TRIOBP: variants seen among roughly 807,000 people sequenced by gnomAD.
The protein encoded by TRIOBP is TRIO and F-actin binding protein.
Under a neutral mutation model 238.8 loss-of-function variants are expected in TRIOBP, and 169 were observed. That is an observed-to-expected ratio of 0.71 (90% CI 0.62 to 0.80). The LOEUF (loss-of-function observed/expected upper bound fraction) is 0.80. Among genes scored for constraint, TRIOBP ranks in the 30% least tolerant of loss-of-function variants. TRIOBP has a pLI of 0.00. For synonymous variants in TRIOBP, 1,150 were observed against 1,274.4 expected (o/e 0.90, Z 2.08); for missense variants, 2,838 against 3,122.6 (o/e 0.91, Z 2.17).
intron 5 of TRIOBP, among the ~76,000 whole-genome samples, chr22:37,714,671 G>GA (rs879429934): frequency 8.0e-4 from 114 of 142,524 alleles, no homozygotes; most frequent in South Asian, 1.1e-3. Context: ...CTTAAATAGA[G>GA]AAAAAAAAAA....
At chr22:37,709,937 C>T (rs1217198909) in intron 3 of TRIOBP, among the ~76,000 whole-genome samples, 2 of 152,226 alleles carry the variant, frequency 1.3e-5, no homozygotes, top group Non-Finnish European at 2.9e-5. Context: ...CTCCCTCAGA[C>T]CTCTCCCTTC....
intron 21 of TRIOBP, 42 bp from the exon 22 acceptor site, chr22:37,771,608 C>T (rs768709479): frequency 1.9e-6 from 3 of 1,583,686 alleles, no homozygotes; most frequent in Non-Finnish European, 1.7e-6. Flanking sequence ...CAGGGTAGCT[C>T]TGGCTTCTGG....
Position 37,733,288 on chromosome 22 carries a change from T to C in TRIOBP, c.3948-10T>C. 3.2e-6 allele frequency: 5 copies of C among 1,546,948 alleles called. No homozygotes were observed. Among genetic ancestry groups the C allele is most frequent in the Non-Finnish European group, 3.5e-6 (4 of 1,143,574 alleles). On this transcript the variant is annotated splice_polypyrimidine_tract_variant and intron_variant, in intron 7 of 23. Transcript: ENST00000644935. ...CAGTCCCTCAGAGGAGTGGCTGCAT[T>C]TGCTCATAGGAAGTCCGAGGCAGCG...
chr22:37,769,929 A>G (rs1000173020), intron 21 of TRIOBP, among the ~76,000 whole-genome samples: 2 of 151,400 alleles, frequency 1.3e-5, no homozygotes, highest in African/African-American at 2.4e-5. Flanking sequence ...AAGTTTCACT[A>G]TGTTGGCCAG....
intron 22 of TRIOBP, 142 bp from the exon 23 acceptor site, chr22:37,772,459 C>A: frequency 8.7e-7 from 1 of 1,144,100 alleles, no homozygotes; most frequent in Non-Finnish European, 1.3e-6. Context: ...AGCCCAGAAC[C>A]CACGGCCATC....
chr22:37,756,912 C>G (rs1925955415), intron 15 of TRIOBP, among the ~76,000 whole-genome samples: 1 of 152,256 alleles, frequency 6.6e-6, no homozygotes, highest in Non-Finnish European at 1.5e-5. Flanking sequence ...CACTGTGAGC[C>G]TCGGGAACCT....
chr22:37,710,371 G>A, intron 3 of TRIOBP, 56 bp from the exon 4 acceptor site: 4 of 1,607,904 alleles, frequency 2.5e-6, no homozygotes, highest in South Asian at 2.2e-5. Context: ...CTGTGCAGGG[G>A]GAGGGGAGCC....
In TRIOBP at chr22:37,725,935, C is replaced by T. The variant is rs374785193; in HGVS notation, c.3379C>T (p.Arg1127Cys). The change falls in exon 7 of 24, where the codon CGC becomes TGC. Residue 1127 changes from arginine to cysteine, a missense_variant. Physicochemically the swap from Arg to Cys is radical, Grantham distance 180 (BLOSUM62 -3). This residue lies in a region of TRIOBP where 2,096 missense variants were observed against 2,137.4 expected (regional missense o/e 0.98). Transcript: ENST00000644935. ...TGCACCCCGGGCCTCCTCCCCACCA[C>T]GCCAGGCCCCAGAGCCTTCCCTCTT... ...RDAPRASSPP[R>C]QAPEPSLLFQ... is the part of the protein sequence containing the mutation. 68 of 1,613,760 alleles carry T rather than the reference C, an allele frequency of 4.2e-5. No individual in the cohort carries two copies. The highest frequency in any genetic ancestry group is 1.8e-4 in the South Asian group (16 of 91,076).
Position 37,735,345 on chromosome 22 carries a change from C to T in TRIOBP, c.5009C>T (p.Thr1670Ile), listed in dbSNP as rs758267615. Residue 1670 changes from threonine (T) to isoleucine (I), a missense_variant, in exon 9 of 24, where the codon ACA becomes ATA. Physicochemically the swap from Thr to Ile is moderately conservative, Grantham distance 89. Coordinates refer to ENST00000644935, the MANE Select transcript of TRIOBP (RefSeq NM_001039141.3). ...TSTQWPKIKV[T>I]RGPATATLAG... The stretch of plus-strand genomic sequence containing the variant: ...ACCCAGTGGCCAAAGATCAAAGTGA[C>T]AAGAGGACCAGCGACCGCAACTCTG... 1.9e-6 allele frequency: 3 copies of T among 1,613,312 alleles called. No individual in the cohort carries two copies. The highest frequency in any genetic ancestry group is 3.3e-5 in the Admixed American group (2 of 59,996).
intron 18 of TRIOBP, 25 bp downstream of exon 18, chr22:37,765,842 TG>T (rs776843836): frequency 6.3e-7 from 1 of 1,576,970 alleles, no homozygotes; most frequent in Non-Finnish European, 8.6e-7. Flanking sequence ...GGGGGCACAG[TG>T]GGCTGGGCTC....
chr22:37,709,847 C>A (rs1333524695), intron 3 of TRIOBP, among the ~76,000 whole-genome samples: 5 of 152,214 alleles, frequency 3.3e-5, no homozygotes, highest in African/African-American at 4.8e-5. Flanking sequence ...GGATCCCCTG[C>A]CTCTCCTTTA....
rs995796550 is a variant in TRIOBP at position 37,741,015 on chromosome 22, G to T, written c.5305G>T (p.Val1769Phe). 2 of 1,561,984 alleles carry T rather than the reference G, an allele frequency of 1.3e-6. No individual in the cohort carries two copies. Among genetic ancestry groups the T allele is most frequent in the African/African-American group, 1.4e-5 (1 of 73,822 alleles). The change falls in exon 11 of 24, where the codon GTC (valine) becomes TTC (phenylalanine). Residue 1769 changes from valine to phenylalanine, a missense_variant. By Grantham distance (50) the Val-to-Phe change is conservative. This residue lies in a region of TRIOBP where 2,096 missense variants were observed against 2,137.4 expected (regional missense o/e 0.98). Coordinates refer to ENST00000644935, the MANE Select transcript of TRIOBP (RefSeq NM_001039141.3). The part of the protein sequence containing the change: ...LFNPFLLSLG[V>F]LRWRRPDLLN... ...CAATCCGTTCCTGCTGTCTCTGGGG[G>T]TCCTCAGGTGGCGAAGGGTAGGCTG... is the stretch of plus-strand genomic sequence containing the variant.
At position 37,759,449 on chromosome 22, in the gene TRIOBP, G is replaced by C. The variant is rs774828502; in HGVS notation, c.6324+185G>C. On this transcript the variant is annotated intron_variant, in intron 17 of 23. Transcript: ENST00000644935. ...GCGTGATCACTGTGCCCGTTTTACA[G>C]ACAAGGCCACTGAGCTCTGAGAGGT... 9.5e-6 allele frequency: 14 copies of C among 1,470,596 alleles called. No individual in the cohort carries two copies. The East Asian group carries it at 3.2e-4, about 33-fold the overall frequency. The allele number at this position is 1,470,596 out of a possible 1,614,324, so 91.1% of individuals were successfully genotyped here.
At position 37,734,951 on chromosome 22, in the gene TRIOBP, T is replaced by TG. The variant is rs1569046546; in HGVS notation, c.4621dup (p.Ala1541GlyfsTer12). On this transcript the variant is annotated frameshift_variant, in exon 9 of 24. Transcript: ENST00000644935. LOFTEE classifies it high-confidence loss of function. ...CTCTGGGACACCCACTGCTGTGGGC[T>TG]GGGGGGCAGAGGGAGCGTGTCCATA... The TG allele has an allele frequency of 4.3e-6, 7 of 1,613,282 alleles. No homozygotes were observed. The highest frequency in any genetic ancestry group is 5.1e-6 in the Non-Finnish European group (6 of 1,179,978).
chr22:37,745,413 G>A (rs1340745273), intron 11 of TRIOBP, among the ~76,000 whole-genome samples: 1 of 151,704 alleles, frequency 6.6e-6, no homozygotes, highest in Non-Finnish European at 1.5e-5. Context: ...TGGAATCCCC[G>A]TGCCACACGA....
chr22:37,758,431 T>C (rs1333383280), intron 16 of TRIOBP, among the ~76,000 whole-genome samples: 1 of 152,174 alleles, frequency 6.6e-6, no homozygotes, highest in Non-Finnish European at 1.5e-5. Flanking sequence ...TCCTAACATT[T>C]TGGGAGGCCA....
rs925032854 is a variant in TRIOBP, at chr22:37,704,965, C to T, written c.114+3486C>T. Among the ~76,000 whole-genome samples, 3 of 151,216 alleles carry T rather than the reference C, an allele frequency of 2.0e-5. No individual in the cohort carries two copies. The South Asian group carries it at 6.2e-4, about 31-fold the overall frequency. On this transcript the variant is annotated intron_variant, in intron 3 of 23. Transcript: ENST00000644935. ...GTGCACACCTGTAGTCCCAGCTAGT[C>T]AGAAGGCTGATGTGGGAGGATTACT...
intron 7 of TRIOBP, among the ~76,000 whole-genome samples, chr22:37,732,260 G>A (rs926297736): frequency 1.3e-4 from 18 of 138,132 alleles, no homozygotes; most frequent in Non-Finnish European, 2.5e-4. Flanking sequence ...TAGTAAGCAA[G>A]ACAACTAACT....
At position 37,727,046 on chromosome 22, in the gene TRIOBP, A is replaced by G. The variant is rs1374440728; in HGVS notation, c.3947+543A>G. 3.3e-5 allele frequency among the ~76,000 whole-genome samples: 5 copies of G among 151,684 alleles called. No individual in the cohort carries two copies. In the East Asian group the frequency reaches 7.8e-4, roughly 24 times the overall value. The stretch of plus-strand genomic sequence containing the variant: ...CTCAGCCTCCCGAGTAGCTGGGATT[A>G]CAGGCACGTGCCACCACACCCGGCT... On this transcript the variant is annotated intron_variant, in intron 7 of 23. Transcript: ENST00000644935.
Sources: allele counts gnomAD v4.1 joint callset (sites outside exome capture counted in the v4.1 genomes callset), GRCh38; gene constraint gnomAD v4.1.1; regional missense constraint gnomAD v4.1.1; transcripts MANE v1.5; gene names NCBI Gene and HGNC (gene_info 2026-07-23, HGNC 2026-07-21).